Variants in C1orf87 observed in about 807,000 individuals in gnomAD.
C1orf87 encodes the protein chromosome 1 open reading frame 87, also known as uncharacterized protein C1orf87.
Under a neutral mutation model 60.5 loss-of-function variants are expected in C1orf87, and 58 were observed. That is an observed-to-expected ratio of 0.96 (90% confidence interval 0.78 to 1.19). The LOEUF (loss-of-function observed/expected upper bound fraction) is 1.19. Ranked by LOEUF, C1orf87 falls within the 50% of genes most tolerant of loss-of-function variation. C1orf87 has a pLI of 0.00. For missense variants in C1orf87, 673 were observed against 638.6 expected (o/e 1.05, Z -0.58); for synonymous variants, 236 against 227.4 (o/e 1.04, Z -0.34).
Position 60,034,431 on chromosome 1 carries a change from C to G in C1orf87, c.864-790G>C, listed in dbSNP as rs549074630. The stretch of plus-strand genomic sequence containing the variant: ...AAACTTTTCCTGTTTTCCATTGTCT[C>G]AAGTTAAACACCAAGTTCCCTAGAG... On this transcript the variant is annotated intron_variant, in intron 6 of 11. Coordinates refer to ENST00000371201, the MANE Select transcript of C1orf87 (RefSeq NM_152377.3). Among the ~76,000 whole-genome samples the G allele has an allele frequency of 2.0e-4, 30 of 152,322 alleles. No individual in the cohort carries two copies. The East Asian group carries it at 2.1e-3, about 11-fold the overall frequency.
chr1:60,025,021 GAC>G (rs1346872360), intron 8 of C1orf87, among the ~76,000 whole-genome samples: 3 of 152,140 alleles, frequency 2.0e-5, no homozygotes, highest in Admixed American at 1.3e-4. Context: ...AGATCTATGT[GAC>G]TGGCATCCTA....
chr1:60,035,430 A>G (rs1645269008), intron 6 of C1orf87, among the ~76,000 whole-genome samples: 2 of 152,188 alleles, frequency 1.3e-5, no homozygotes, highest in Admixed American at 1.3e-4. Context: ...TTAGGAGATG[A>G]GAGCTGTTGC....
chr1:60,064,599 ATG>A (rs1645523085), intron 2 of C1orf87, among the ~76,000 whole-genome samples: 1 of 106,370 alleles, frequency 9.4e-6, no homozygotes, highest in Admixed American at 1.4e-4. Flanking sequence ...TAATATATAT[ATG>A]TCCTATATAT....
At chr1:60,038,805 T>C (rs1051526741) in intron 5 of C1orf87, among the ~76,000 whole-genome samples, 1 of 152,190 alleles carries the variant, frequency 6.6e-6, no homozygotes, top group Non-Finnish European at 1.5e-5. Flanking sequence ...AGGAAAGGAC[T>C]GAAGGAATGT....
Position 60,025,458 on chromosome 1 carries a change from A to G in C1orf87, c.1070T>C (p.Leu357Pro). The G allele has an allele frequency of 6.2e-7, 1 of 1,613,440 alleles. No individual in the cohort carries two copies. Among genetic ancestry groups the G allele is most frequent in the African/African-American group, 1.3e-5 (1 of 75,032 alleles). The change falls in exon 8 of 12, where the codon CTG (leucine) becomes CCG (proline). Residue 357 changes from leucine (L) to proline (P), a missense_variant. Physicochemically the swap from Leu to Pro is moderately conservative, Grantham distance 98. Transcript: ENST00000371201. ...ICGKHGLYLT[L>P]SLLETLLNHQ... is the part of the protein sequence containing the mutation. The stretch of plus-strand genomic sequence containing the variant: ...GTTAAGCAATGTTTCCAGCAGGCTC[A>G]GGGTCAGATATAATCCATGCTTCCC...
intron 8 of C1orf87, among the ~76,000 whole-genome samples, chr1:60,013,107 T>C (rs1461127097): frequency 6.6e-6 from 1 of 152,170 alleles, no homozygotes; most frequent in African/African-American, 2.4e-5. Context: ...GTTGGAATGA[T>C]GTGAATACAT....
intron 3 of C1orf87, among the ~76,000 whole-genome samples, chr1:60,051,717 T>C (rs186593002): frequency 6.6e-6 from 1 of 152,200 alleles, no homozygotes; most frequent in African/African-American, 2.4e-5. Flanking sequence ...AAAAGTCAGT[T>C]TGAAGATGAT....
intron 2 of C1orf87, among the ~76,000 whole-genome samples, chr1:60,062,467 A>C (rs1204001864): frequency 6.6e-6 from 1 of 152,232 alleles, no homozygotes; most frequent in Non-Finnish European, 1.5e-5. Context: ...ACAGTATCAT[A>C]TGAGTATTTT....
At chr1:59,997,917 AG>A in intron 10 of C1orf87, 101 bp from the exon 11 acceptor site, 1 of 1,171,158 alleles carries the variant, frequency 8.5e-7, no homozygotes, top group Admixed American at 2.3e-5. Context: ...ATTTATAGCA[AG>A]GTTTGAGTTT....
At chr1:60,010,790 C>T (rs187785422) in intron 8 of C1orf87, 307 of 170,832 alleles carry the variant, frequency 1.8e-3, no homozygotes, top group African/African-American at 6.7e-3. Context: ...GTACAAATTG[C>T]TTTCTGGCCA....
At chr1:59,999,598 G>A (rs1644987214) in intron 10 of C1orf87, among the ~76,000 whole-genome samples, 1 of 152,100 alleles carries the variant, frequency 6.6e-6, no homozygotes, top group Admixed American at 6.6e-5. Context: ...GTAGGGACCT[G>A]AATCAGACTT....
At chr1:60,054,676 A>T (rs1645440020) in intron 3 of C1orf87, among the ~76,000 whole-genome samples, 1 of 152,200 alleles carries the variant, frequency 6.6e-6, no homozygotes, top group East Asian at 1.9e-4. Context: ...TTAATTACAA[A>T]CTACTAATCA....
intron 11 of C1orf87, among the ~76,000 whole-genome samples, chr1:59,993,132 G>A (rs989980567): frequency 6.6e-6 from 1 of 152,082 alleles, no homozygotes; most frequent in African/African-American, 2.4e-5. Context: ...AAGGTGGGAG[G>A]ATCATTTGAG....
At chr1:60,020,867 G>A (rs1158820246) in intron 8 of C1orf87, among the ~76,000 whole-genome samples, 2 of 152,134 alleles carry the variant, frequency 1.3e-5, no homozygotes, top group African/African-American at 2.4e-5. Flanking sequence ...GAATGATATT[G>A]TTTGGCTCTG....
At chr1:60,043,459 G>A (rs1031630352) in intron 3 of C1orf87, among the ~76,000 whole-genome samples, 2 of 152,016 alleles carry the variant, frequency 1.3e-5, no homozygotes, top group Non-Finnish European at 2.9e-5. Context: ...TCGGCTCACT[G>A]CAACTTCCGC....
At chr1:60,049,763 T>C (rs1645400248) in intron 3 of C1orf87, among the ~76,000 whole-genome samples, 1 of 152,100 alleles carries the variant, frequency 6.6e-6, no homozygotes, top group African/African-American at 2.4e-5. Context: ...TTGGAATATA[T>C]CCTAATGTAC....
chr1:60,032,335 C>T (rs1469597655), intron 7 of C1orf87, among the ~76,000 whole-genome samples: 1 of 152,004 alleles, frequency 6.6e-6, no homozygotes, highest in Non-Finnish European at 1.5e-5. Context: ...CCAATTCTGC[C>T]TCTCAGTTTC....
intron 2 of C1orf87, among the ~76,000 whole-genome samples, chr1:60,064,864 T>TATAAATATATATTTATTCTAA: frequency 1.1e-5 from 1 of 92,900 alleles, no homozygotes; most frequent in African/African-American, 4.4e-5. Context: ...ATTTATTATA[T>TATAAATATATATTTATTCTAA]ATAAATATAT....
intron 2 of C1orf87, among the ~76,000 whole-genome samples, chr1:60,064,829 TA>T (rs1289063146): frequency 5.2e-4 from 48 of 93,004 alleles, no homozygotes; most frequent in South Asian, 3.0e-4. Context: ...AAATATATAT[TA>T]AATATATAAT....
Sources: gnomAD v4.1 joint callset for allele counts (sites outside exome capture counted in the v4.1 genomes callset) on GRCh38, gnomAD v4.1.1 for gene constraint, MANE v1.5 for transcripts, NCBI Gene and HGNC (gene_info 2026-07-23, HGNC 2026-07-21) for gene names.